LRRC47: variants seen among roughly 807,000 people sequenced by gnomAD.
The protein encoded by LRRC47 is leucine-rich repeat-containing protein 47.
Under a neutral mutation model 40.9 loss-of-function variants are expected in LRRC47, and 31 were observed. The observed-to-expected ratio is 0.76, with a 90% confidence interval of 0.57 to 1.02. LRRC47 has a LOEUF of 1.02. LRRC47 is among the 50% of genes least tolerant of loss of function. The pLI, the probability that LRRC47 is intolerant of heterozygous loss-of-function variation, is 0.00. For missense variants in LRRC47, 726 were observed against 796.1 expected (o/e 0.91, Z 1.06); for synonymous variants, 427 against 371.9 (o/e 1.15, Z -1.70).
chr1:3,784,324 C>A, intron 3 of LRRC47: 1 of 568,714 alleles, frequency 1.8e-6, no homozygotes, highest in South Asian at 2.2e-5. Flanking sequence ...CCCAAACACA[C>A]CGATCCTACT....
At chr1:3,787,610 G>C (rs1202732288) in intron 1 of LRRC47, among the ~76,000 whole-genome samples, 1 of 152,194 alleles carries the variant, frequency 6.6e-6, no homozygotes, top group Non-Finnish European at 1.5e-5. Context: ...AACCACAGCA[G>C]CCCTGCAGCT....
At position 3,787,163 on chromosome 1, in the gene LRRC47, G is replaced by A; in HGVS notation, c.763C>T (p.Leu255=). ...MVSGCQTRSI[L]EYLRVGGRGG... Reference sequence around the variant, plus strand: ...CGGCCTCCGACGCGCAGGTACTCCAGGATGGATCTGGTCTGGCAGCCGCTG... The same window carrying A: ...CGGCCTCCGACGCGCAGGTACTCCAAGATGGATCTGGTCTGGCAGCCGCTG... Residue 255 remains leucine, a synonymous_variant, in exon 2 of 7, where the codon CTG becomes TTG. Transcript: ENST00000378251. The A allele has an allele frequency of 6.2e-7, 1 of 1,613,860 alleles. No homozygotes were observed. Among genetic ancestry groups the A allele is most frequent in the Non-Finnish European group, 8.5e-7 (1 of 1,180,036 alleles).
intron 1 of LRRC47, among the ~76,000 whole-genome samples, chr1:3,789,556 C>G (rs2124613098): frequency 6.6e-6 from 1 of 152,384 alleles, no homozygotes; most frequent in Non-Finnish European, 1.5e-5. Flanking sequence ...CAGCCTGCAG[C>G]CTGCAGTGAG....
Position 3,787,183 on chromosome 1 carries a change from C to A in LRRC47, c.743G>T (p.Gly248Val). The A allele has an allele frequency of 2.5e-6, 4 of 1,613,926 alleles. No individual in the cohort carries two copies. The highest frequency in any genetic ancestry group is 3.4e-6 in the Non-Finnish European group (4 of 1,180,052). ...RDKRLEKMVS[G>V]CQTRSILEYL... ...CTCCAGGATGGATCTGGTCTGGCAG[C>A]CGCTGACCATCTTCTCCAGGCGCTT... Residue 248 changes from glycine to valine, a missense_variant, in exon 2 of 7, where the codon GGC (glycine) becomes GTC (valine). Coordinates refer to ENST00000378251, the MANE Select transcript of LRRC47 (RefSeq NM_020710.3).
chr1:3,791,667 G>A (rs1407192800), intron 1 of LRRC47, among the ~76,000 whole-genome samples: 1 of 152,238 alleles, frequency 6.6e-6, no homozygotes, highest in Admixed American at 6.5e-5. Flanking sequence ...TGTTGGTCAG[G>A]CTGGTCTTCA....
In LRRC47 at chr1:3,781,300, T is replaced by G; in HGVS notation, c.1540A>C (p.Lys514Gln). 6 of 1,614,008 alleles carry G rather than the reference T, an allele frequency of 3.7e-6. No individual in the cohort carries two copies. The highest frequency in any genetic ancestry group is 5.1e-6 in the Non-Finnish European group (6 of 1,179,910). ...AEMKKYTLEN[K>Q]EEGSLSDTEA... ...GTATCTGAGAGTGATCCTTCCTCTT[T>G]ATTTTCTAAAGTGTACTTTTTCATT... The change falls in exon 7 of 7, where the codon AAA (lysine) becomes CAA (glutamine). Residue 514 changes from lysine (K) to glutamine (Q), a missense_variant. Physicochemically the swap from Lys to Gln is moderately conservative, Grantham distance 53. Coordinates refer to ENST00000378251, the MANE Select transcript of LRRC47 (RefSeq NM_020710.3).
intron 5 of LRRC47, 40 bp downstream of exon 5, chr1:3,782,621 G>T: frequency 2.6e-6 from 3 of 1,162,198 alleles, no homozygotes; most frequent in Non-Finnish European, 3.9e-6. Context: ...ACAGGGAACA[G>T]CCTAGAAGAC....
At position 3,780,588 on chromosome 1, in the gene LRRC47, C is replaced by T; in HGVS notation, c.*500G>A. 1 of 154,116 alleles carries T rather than the reference C, an allele frequency of 6.5e-6. No homozygotes were observed. The highest frequency in any genetic ancestry group is 1.9e-4 in the East Asian group (1 of 5,240). The allele number at this position is 154,116 out of a possible 1,614,324, so 9.5% of individuals were successfully genotyped here. ...CTTTGATGTTGTAACGACAACATAGCATCACTTTACGACAGAATCATCTGG... is the reference window on the plus strand; with the variant it reads ...CTTTGATGTTGTAACGACAACATAGTATCACTTTACGACAGAATCATCTGG... On this transcript the variant is annotated 3_prime_UTR_variant, in exon 7 of 7. Transcript: ENST00000378251.
Position 3,795,872 on chromosome 1 carries a change from G to A in LRRC47, c.605C>T (p.Ala202Val). The change falls in exon 1 of 7, where the codon GCC (alanine) becomes GTC (valine). Residue 202 changes from alanine to valine, a missense_variant. Coordinates refer to ENST00000378251, the MANE Select transcript of LRRC47 (RefSeq NM_020710.3). ...RELSPDIAHL[A>V]SLKTLDLSNN... is the part of the protein sequence containing the mutation. Reference sequence around the variant, plus strand: ...GCAGCCCCCGCTGACCTTGAGCGAGGCCAGGTGGGCGATGTCGGGGCTGAG... The same window carrying A: ...GCAGCCCCCGCTGACCTTGAGCGAGACCAGGTGGGCGATGTCGGGGCTGAG... 1.3e-6 allele frequency: 2 copies of A among 1,588,782 alleles called. No homozygotes were observed. Among genetic ancestry groups the A allele is most frequent in the Non-Finnish European group, 1.7e-6 (2 of 1,173,050 alleles).
chr1:3,790,957 G>A (rs1046334655), intron 1 of LRRC47, among the ~76,000 whole-genome samples: 6 of 152,206 alleles, frequency 3.9e-5, no homozygotes, highest in African/African-American at 1.4e-4. Flanking sequence ...AACTGGGCTC[G>A]CACTTAGTTA....
intron 5 of LRRC47, 139 bp downstream of exon 5, chr1:3,782,522 G>A: frequency 3.1e-6 from 2 of 646,006 alleles, no homozygotes; most frequent in South Asian, 3.6e-5. Context: ...TTGAACTCCT[G>A]ACCTCAGGTG....
Position 3,782,713 on chromosome 1 carries a change from G to A in LRRC47, c.1361C>T (p.Ala454Val). 2 of 1,612,984 alleles carry A rather than the reference G, an allele frequency of 1.2e-6. No homozygotes were observed. Among genetic ancestry groups the A allele is most frequent in the Non-Finnish European group, 1.7e-6 (2 of 1,178,906 alleles). ...GNENYPCLVD[A>V]DGDVISFPPI... Reference sequence around the variant, plus strand: ...TGGGAAGGAAATCACATCACCGTCTGCATCCACAAGACACGGGTAATTTTC... The same window carrying A: ...TGGGAAGGAAATCACATCACCGTCTACATCCACAAGACACGGGTAATTTTC... Residue 454 changes from alanine to valine, a missense_variant, in exon 5 of 7, where the codon GCA becomes GTA. Ala to Val is a moderately conservative substitution (Grantham distance 64, BLOSUM62 0). Coordinates refer to ENST00000378251, the MANE Select transcript of LRRC47 (RefSeq NM_020710.3).
chr1:3,782,046 G>A (rs957462323), intron 5 of LRRC47, among the ~76,000 whole-genome samples: 3 of 152,166 alleles, frequency 2.0e-5, no homozygotes, highest in Admixed American at 6.5e-5. Context: ...AGACTGCAGT[G>A]CTGCACACAG....
chr1:3,785,594 G>GA (rs1557641647), intron 2 of LRRC47: 1 of 152,590 alleles, frequency 6.6e-6, no homozygotes, highest in Non-Finnish European at 1.5e-5. Context: ...GGACTCTCAC[G>GA]ACAGTCACTC....
chr1:3,790,343 A>C (rs1472180820), intron 1 of LRRC47, among the ~76,000 whole-genome samples: 2 of 152,216 alleles, frequency 1.3e-5, no homozygotes, highest in East Asian at 3.9e-4. Flanking sequence ...ATTGAGGCTG[A>C]ACTCCCCTGT....
At chr1:3,787,681 G>A (rs1643589139) in intron 1 of LRRC47, among the ~76,000 whole-genome samples, 1 of 152,308 alleles carries the variant, frequency 6.6e-6, no homozygotes, top group South Asian at 2.1e-4. Flanking sequence ...GGTGTGAAAC[G>A]TGACCTCATG....
In LRRC47 at chr1:3,790,557, C is replaced by T. The variant is rs114855759; in HGVS notation, c.616-3247G>A. ...CCCCCATCCTCGGCTCACCACAGCA[C>T]TGCCAGCTGAGCCCCACGGGCCACA... On this transcript the variant is annotated intron_variant, in intron 1 of 6. Transcript: ENST00000378251. Among the ~76,000 whole-genome samples, 785 of 152,328 alleles carry T rather than the reference C, an allele frequency of 5.2e-3. 7 individuals are homozygous for T. Among genetic ancestry groups the T allele is most frequent in the African/African-American group, 0.018 (729 of 41,586 alleles).
At position 3,779,568 on chromosome 1, in the gene LRRC47, C is replaced by G. The variant is rs1185072622; in HGVS notation, c.*1520G>C. The G allele has an allele frequency of 1.3e-5, 2 of 152,238 alleles. No individual in the cohort carries two copies. Among genetic ancestry groups the G allele is most frequent in the African/African-American group, 4.8e-5 (2 of 41,446 alleles). The allele number at this position is 152,238 out of a possible 1,614,324, so 9.4% of individuals were successfully genotyped here. ...GACGTGGGGGTCTGACCTGGACATTCACAACGGAAACGTCTACAACAGAAG... is the reference window on the plus strand; with the variant it reads ...GACGTGGGGGTCTGACCTGGACATTGACAACGGAAACGTCTACAACAGAAG... On this transcript the variant is annotated 3_prime_UTR_variant, in exon 7 of 7. Transcript: ENST00000378251.
intron 3 of LRRC47, 34 bp downstream of exon 3, chr1:3,785,053 T>A (rs773688499): frequency 1.3e-6 from 2 of 1,507,612 alleles, no homozygotes; most frequent in East Asian, 2.5e-5. Flanking sequence ...CCAAGGAGAC[T>A]CTTCAGCAGA....
Sources: gnomAD v4.1 joint callset for allele counts (sites outside exome capture counted in the v4.1 genomes callset) on GRCh38, gnomAD v4.1.1 for gene constraint, MANE v1.5 for transcripts, NCBI Gene and HGNC (gene_info 2026-07-23, HGNC 2026-07-21) for gene names.